Variants in PDZRN3 observed in about 807,000 individuals in gnomAD.
PDZRN3 encodes E3 ubiquitin-protein ligase PDZRN3.
A neutral mutation model predicts 85.7 loss-of-function variants in PDZRN3; 38 were observed. That is an observed-to-expected ratio of 0.44 (90% CI 0.34 to 0.58). The LOEUF (loss-of-function observed/expected upper bound fraction) is 0.58, where lower values mean the gene tolerates loss of function less well. Ranked by LOEUF, PDZRN3 falls within the 20% of genes least tolerant of loss-of-function variation. PDZRN3 has a pLI of 0.01. For missense variants in PDZRN3, 1,629 were observed against 1,506.4 expected, an observed-to-expected ratio of 1.08 and a Z score of -1.35; for synonymous variants, 759 against 638.0, an observed-to-expected ratio of 1.19 and a Z score of -2.86.
chr3:73,451,902 T>C, intron 3 of PDZRN3, among the ~76,000 whole-genome samples: 1 of 152,102 alleles, frequency 6.6e-6, no homozygotes, highest in East Asian at 1.9e-4. Flanking sequence ...AAGATGACTG[T>C]GCTCAGGGTG....
chr3:73,389,539 A>C (rs911554203), intron 7 of PDZRN3, among the ~76,000 whole-genome samples: 7 of 152,166 alleles, frequency 4.6e-5, no homozygotes, highest in African/African-American at 1.7e-4. Flanking sequence ...AACAGAATGA[A>C]ACAAAATAAG....
At chr3:73,563,036 T>A (rs1701867358) in intron 3 of PDZRN3, among the ~76,000 whole-genome samples, 1 of 99,906 alleles carries the variant, frequency 1.0e-5, no homozygotes, top group Non-Finnish European at 2.1e-5. Context: ...TTTTTTTTTT[T>A]GAGACAGAGT....
intron 3 of PDZRN3, among the ~76,000 whole-genome samples, chr3:73,495,898 G>A (rs941568318): frequency 6.6e-6 from 1 of 152,062 alleles, no homozygotes; most frequent in African/African-American, 2.4e-5. Context: ...AATTAAGATA[G>A]AAACCATAGC....
intron 3 of PDZRN3, among the ~76,000 whole-genome samples, chr3:73,416,876 GTTTTTTTTTTTTTTTTTTTTTT>G (rs146381615): frequency 9.1e-6 from 1 of 110,402 alleles, no homozygotes. Context: ...TTTTTTTTTG[GTTTTTTTTTTTTTTTTTTTTTT>G]TTTTTTTTTT....
intron 3 of PDZRN3, among the ~76,000 whole-genome samples, chr3:73,456,227 C>T (rs2106854021): frequency 6.6e-6 from 1 of 151,968 alleles, no homozygotes; most frequent in South Asian, 2.1e-4. Context: ...CGCGCGTGCG[C>T]TTCTCCTTGT....
intron 3 of PDZRN3, among the ~76,000 whole-genome samples, chr3:73,540,097 A>G (rs1396626293): frequency 6.6e-6 from 1 of 151,140 alleles, no homozygotes; most frequent in Admixed American, 6.6e-5. Flanking sequence ...GAAAAAAAAA[A>G]AAAAAAAAAA....
At chr3:73,443,326 C>T (rs1702679927) in intron 3 of PDZRN3, among the ~76,000 whole-genome samples, 1 of 152,150 alleles carries the variant, frequency 6.6e-6, no homozygotes, top group African/African-American at 2.4e-5. Flanking sequence ...CTCCAACCAT[C>T]CCCAAGTCTT....
At chr3:73,405,714 T>TA (rs1701840895) in intron 3 of PDZRN3, among the ~76,000 whole-genome samples, 1 of 152,242 alleles carries the variant, frequency 6.6e-6, no homozygotes, top group South Asian at 2.1e-4. Flanking sequence ...AGCATGTATT[T>TA]ATAAATGTCA....
At chr3:73,623,515 G>C (rs953253403) in intron 1 of PDZRN3, 3 of 152,270 alleles carry the variant, frequency 2.0e-5, no homozygotes, top group Non-Finnish European at 4.4e-5. Context: ...GCTTGCTCAA[G>C]GTCAGCCAGC....
At chr3:73,405,194 C>T (rs549104742) in intron 3 of PDZRN3, among the ~76,000 whole-genome samples, 1 of 152,220 alleles carries the variant, frequency 6.6e-6, no homozygotes, top group Non-Finnish European at 1.5e-5. Context: ...CTAGTTTATG[C>T]TGGGTCAGAA....
intron 3 of PDZRN3, among the ~76,000 whole-genome samples, chr3:73,551,739 A>T (rs1701564323): frequency 6.6e-6 from 1 of 151,440 alleles, no homozygotes; most frequent in African/African-American, 2.4e-5. Context: ...TTATTTCCCC[A>T]CTTCTAATAT....
intron 3 of PDZRN3, among the ~76,000 whole-genome samples, chr3:73,428,555 G>A (rs116530592): frequency 0.01 from 1,584 of 152,252 alleles, 38 homozygotes; most frequent in African/African-American, 0.035. Flanking sequence ...GGAAGTGCAG[G>A]GCACCTTGGA....
chr3:73,586,451 C>T (rs1338757784), intron 3 of PDZRN3, among the ~76,000 whole-genome samples: 2 of 152,184 alleles, frequency 1.3e-5, no homozygotes, highest in Non-Finnish European at 2.9e-5. Context: ...AGTCAGGCAA[C>T]ACACATTTAC....
At chr3:73,394,317 T>A (rs1349238019) in intron 5 of PDZRN3, among the ~76,000 whole-genome samples, 1 of 152,188 alleles carries the variant, frequency 6.6e-6, no homozygotes, top group Non-Finnish European at 1.5e-5. Context: ...AGTGTTCATT[T>A]TAGAACACAT....
At chr3:73,405,254 C>T (rs1575627401) in intron 3 of PDZRN3, among the ~76,000 whole-genome samples, 1 of 152,220 alleles carries the variant, frequency 6.6e-6, no homozygotes, top group Non-Finnish European at 1.5e-5. Flanking sequence ...TCAAAACTCA[C>T]TCAACCCAGC....
chr3:73,474,303 G>A (rs746164265), intron 3 of PDZRN3, among the ~76,000 whole-genome samples: 5 of 152,128 alleles, frequency 3.3e-5, no homozygotes, highest in Non-Finnish European at 5.9e-5. Context: ...TGGCAGGTGC[G>A]CCCTTCTCCT....
chr3:73,577,863 T>C (rs12496312), intron 3 of PDZRN3, among the ~76,000 whole-genome samples: 134,321 of 152,300 alleles, frequency 0.88, 59,253 homozygotes, highest in Middle Eastern at 0.91. Flanking sequence ...GAGCCAGATC[T>C]AGCCCAAAGC....
intron 3 of PDZRN3, among the ~76,000 whole-genome samples, chr3:73,560,229 C>T (rs1242675176): frequency 6.6e-6 from 1 of 152,184 alleles, no homozygotes; most frequent in Non-Finnish European, 1.5e-5. Context: ...GTGCCAAAAG[C>T]TATGCTGGAC....
At chr3:73,561,095 A>T (rs1435098685) in intron 3 of PDZRN3, among the ~76,000 whole-genome samples, 1 of 152,214 alleles carries the variant, frequency 6.6e-6, no homozygotes, top group Non-Finnish European at 1.5e-5. Context: ...TACACACATG[A>T]CTTTCTCACC....
Sources: gnomAD v4.1 joint callset for allele counts (sites outside exome capture counted in the v4.1 genomes callset) on GRCh38, gnomAD v4.1.1 for gene constraint, MANE v1.5 for transcripts, NCBI Gene and HGNC (gene_info 2026-07-23, HGNC 2026-07-21) for gene names.